The following SCYL3 variants were observed in gnomAD, a reference collection of about 807,000 sequenced individuals.
SCYL3 encodes the protein protein-associating with the carboxyl-terminal domain of ezrin.
A neutral mutation model predicts 73.8 loss-of-function variants in SCYL3; 35 were observed. That is an observed-to-expected ratio of 0.47 (90% CI 0.36 to 0.63). The LOEUF (loss-of-function observed/expected upper bound fraction) is 0.63. Ranked by LOEUF, SCYL3 falls within the 20% of genes least tolerant of loss-of-function variation. The pLI is 0.00. For synonymous variants in SCYL3, 277 were observed against 295.2 expected, an observed-to-expected ratio of 0.94 and a Z score of 0.63; for missense variants, 712 against 798.9, an observed-to-expected ratio of 0.89 and a Z score of 1.31.
At chr1:169,866,631 C>T (rs569482902) in intron 8 of SCYL3, among the ~76,000 whole-genome samples, 2 of 152,314 alleles carry the variant, frequency 1.3e-5, no homozygotes, top group African/African-American at 2.4e-5. Context: ...CTAACGACCT[C>T]CTCCTGCCCT....
chr1:169,887,082 G>C (rs10489169), intron 2 of SCYL3, among the ~76,000 whole-genome samples: 1 of 152,112 alleles, frequency 6.6e-6, no homozygotes, highest in Admixed American at 6.5e-5. Flanking sequence ...CTATGACCTA[G>C]TTTTTTAAGA....
intron 5 of SCYL3, among the ~76,000 whole-genome samples, chr1:169,871,635 C>T (rs933884744): frequency 1.3e-4 from 20 of 152,114 alleles, no homozygotes; most frequent in Admixed American, 1.2e-3. Context: ...CAGAAGAAGA[C>T]AGGAAAATGT....
intron 5 of SCYL3, among the ~76,000 whole-genome samples, chr1:169,870,898 GT>G (rs1254987162): frequency 3.9e-5 from 6 of 152,130 alleles, no homozygotes; most frequent in Non-Finnish European, 7.4e-5. Context: ...CTATACTTAA[GT>G]TTATAGTTGA....
At chr1:169,859,005 GAC>G (rs749173231) in intron 11 of SCYL3, 34 bp downstream of exon 11, 87 of 1,580,764 alleles carry the variant, frequency 5.5e-5, no homozygotes, top group Non-Finnish European at 7.1e-5. Flanking sequence ...CTAAAAAAAT[GAC>G]ACACAAAAAG....
chr1:169,869,579 TA>T (rs1434556682), intron 6 of SCYL3, among the ~76,000 whole-genome samples: 2 of 152,202 alleles, frequency 1.3e-5, no homozygotes, highest in Non-Finnish European at 2.9e-5. Flanking sequence ...TAAACCGCAT[TA>T]GAACTGGCAC....
At chr1:169,866,711 G>A (rs1660053818) in intron 8 of SCYL3, among the ~76,000 whole-genome samples, 185 bp downstream of exon 8, 1 of 152,108 alleles carries the variant, frequency 6.6e-6, no homozygotes, top group African/African-American at 2.4e-5. Context: ...ATCAGTCTGG[G>A]TATCTATTTC....
At chr1:169,878,997 C>T (rs370360928) in intron 2 of SCYL3, among the ~76,000 whole-genome samples, 178 bp from the exon 3 acceptor site, 28 of 152,350 alleles carry the variant, frequency 1.8e-4, no homozygotes, top group African/African-American at 6.3e-4. Flanking sequence ...CTTGTTCTGA[C>T]ATCATTCAAT....
At chr1:169,855,057 G>C (rs184017249) in intron 11 of SCYL3, 93 bp from the exon 12 acceptor site, 159 of 881,246 alleles carry the variant, frequency 1.8e-4, no homozygotes, top group South Asian at 3.8e-4. Context: ...TAGTAGTATA[G>C]GTCTAATTAC....
chr1:169,854,309 C>T lies in SCYL3; in HGVS notation c.1968G>A (p.Met656Ile). 6.2e-7 allele frequency: 1 copy of T among 1,609,084 alleles called. No individual in the cohort carries two copies. The highest frequency in any genetic ancestry group is 8.5e-7 in the Non-Finnish European group (1 of 1,178,562). Residue 656 changes from methionine (M) to isoleucine (I), a missense_variant, in exon 12 of 13, where the codon ATG (methionine) becomes ATA (isoleucine). By Grantham distance (10) the Met-to-Ile change is conservative. Coordinates refer to ENST00000367771, the MANE Select transcript of SCYL3 (RefSeq NM_020423.7). ...VPKKDDVSPV[M>I]QFSSKFAAAE... is the part of the protein sequence containing the mutation. ...CTGCAGCAAATTTTGAGGAAAACTG[C>T]ATCACTGGGGAGACATCATCCTTTT...
chr1:169,865,991 A>G (rs1660009038), intron 8 of SCYL3, among the ~76,000 whole-genome samples: 1 of 152,188 alleles, frequency 6.6e-6, no homozygotes, highest in Admixed American at 6.5e-5. Flanking sequence ...CACCAACTAT[A>G]GGCTGATAAC....
chr1:169,876,009 G>A lies in SCYL3; in HGVS notation c.434C>T (p.Thr145Ile). Residue 145 changes from threonine (T) to isoleucine (I), a missense_variant, in exon 4 of 13, where the codon ACT (threonine) becomes ATT (isoleucine). Transcript: ENST00000367771. Reference protein sequence around the residue: ...DGHWKLGGMETVCKVSQATPE... With the variant: ...DGHWKLGGMEIVCKVSQATPE... ...TGTGGCCTGAGAAACTTTACAAACA[G>A]TTTCCATTCCTCCTAGCTTCCAGTG... 1.2e-6 allele frequency: 2 copies of A among 1,611,554 alleles called. No homozygotes were observed. The highest frequency in any genetic ancestry group is 1.7e-6 in the Non-Finnish European group (2 of 1,178,924).
At chr1:169,867,956 G>C (rs903897074) in intron 7 of SCYL3, among the ~76,000 whole-genome samples, 1 of 152,056 alleles carries the variant, frequency 6.6e-6, no homozygotes, top group African/African-American at 2.4e-5. Context: ...ATATTTCTAA[G>C]AATCATCCAA....
intron 10 of SCYL3, among the ~76,000 whole-genome samples, chr1:169,861,431 T>C (rs1659642276): frequency 6.6e-6 from 1 of 152,130 alleles, no homozygotes; most frequent in Non-Finnish European, 1.5e-5. Context: ...TCCTGAAAAT[T>C]CATGGAGAGA....
chr1:169,852,366 T>C lies in SCYL3; in HGVS notation c.*1347A>G. 3.7e-6 allele frequency: 1 copy of C among 269,548 alleles called. No homozygotes were observed. Among genetic ancestry groups the C allele is most frequent in the Non-Finnish European group, 7.1e-6 (1 of 140,562 alleles). 16.7% of individuals were successfully genotyped at this position (269,548 alleles called of 1,614,324 possible). A position where few individuals can be genotyped will look rare whatever the true frequency, so the allele number is the denominator to read the frequency against. On this transcript the variant is annotated 3_prime_UTR_variant, in exon 13 of 13. Coordinates refer to ENST00000367771, the MANE Select transcript of SCYL3 (RefSeq NM_020423.7). ...GCAGAATTTGACACCAATAAGGATA[T>C]TCAAAATATTGTTTTGAGCACTATT...
chr1:169,873,897 TA>T, intron 4 of SCYL3, 145 bp from the exon 5 acceptor site: 1 of 593,016 alleles, frequency 1.7e-6, no homozygotes, highest in Non-Finnish European at 3.0e-6. Context: ...TGCACAAATT[TA>T]AAATGCTTCT....
chr1:169,877,613 C>T (rs1324209472), intron 3 of SCYL3, among the ~76,000 whole-genome samples: 1 of 152,074 alleles, frequency 6.6e-6, no homozygotes, highest in Non-Finnish European at 1.5e-5. Flanking sequence ...GAAGTATACA[C>T]ACTAGATATT....
intron 2 of SCYL3, among the ~76,000 whole-genome samples, chr1:169,887,939 A>C (rs957224770): frequency 1.3e-5 from 2 of 152,258 alleles, no homozygotes; most frequent in Non-Finnish European, 2.9e-5. Flanking sequence ...TAGAGATTAT[A>C]ATTCTAACAA....
chr1:169,852,834 G>GT lies in SCYL3; in HGVS notation c.*878dup, dbSNP rs1364166539. 5 of 1,614,116 alleles carry GT rather than the reference G, an allele frequency of 3.1e-6. No homozygotes were observed. Among genetic ancestry groups the GT allele is most frequent in the Non-Finnish European group, 3.4e-6 (4 of 1,179,988 alleles). On this transcript the variant is annotated 3_prime_UTR_variant, in exon 13 of 13. Transcript: ENST00000367771. ...GTCAGGAGTTCCCCTGGGAAGAAGA[G>GT]TACAGGTCAGCGCTGCATACAATAG...
intron 10 of SCYL3, among the ~76,000 whole-genome samples, chr1:169,860,718 T>C (rs533213167): frequency 8.5e-5 from 13 of 152,192 alleles, no homozygotes; most frequent in East Asian, 1.9e-4. Flanking sequence ...AAGCCAAAAA[T>C]TGGTCATCCT....
Sources: gnomAD v4.1 joint callset for allele counts (sites outside exome capture counted in the v4.1 genomes callset) on GRCh38, gnomAD v4.1.1 for gene constraint, MANE v1.5 for transcripts, NCBI Gene and HGNC (gene_info 2026-07-23, HGNC 2026-07-21) for gene names.